The following TMEM132B variants were observed in gnomAD, a reference collection of about 807,000 sequenced individuals.
TMEM132B encodes the protein transmembrane protein 132B.
In TMEM132B, 18 loss-of-function variants were observed where a neutral mutation model predicts 90.8. That is an observed-to-expected ratio of 0.20 (90% CI 0.14 to 0.29). The LOEUF is 0.29. TMEM132B is among the 10% of genes least tolerant of loss of function. The pLI is 1.00. For missense variants in TMEM132B, 1,096 were observed against 1,326.8 expected (o/e 0.83, Z 2.70); for synonymous variants, 504 against 523.3 (o/e 0.96, Z 0.50).
chr12:125,336,016 C>T (rs1256317756), intron 1 of TMEM132B, among the ~76,000 whole-genome samples: 1 of 152,148 alleles, frequency 6.6e-6, no homozygotes, highest in Non-Finnish European at 1.5e-5. Context: ...CAGTACATTT[C>T]ACCCTTTTTG....
At chr12:125,452,668 A>G (rs1203231275) in intron 3 of TMEM132B, among the ~76,000 whole-genome samples, 1 of 152,200 alleles carries the variant, frequency 6.6e-6, no homozygotes, top group African/African-American at 2.4e-5. Flanking sequence ...AATGTAGCCA[A>G]TGTGATGAGT....
At chr12:125,628,349 G>C (rs576788320) in intron 5 of TMEM132B, among the ~76,000 whole-genome samples, 2 of 152,256 alleles carry the variant, frequency 1.3e-5, no homozygotes, top group Non-Finnish European at 2.9e-5. Context: ...TTTAACTGGG[G>C]TGAGATAATA....
At chr12:125,612,553 GTA>G (rs900666805) in intron 5 of TMEM132B, among the ~76,000 whole-genome samples, 1 of 144,878 alleles carries the variant, frequency 6.9e-6, no homozygotes, top group African/African-American at 2.5e-5. Flanking sequence ...ATGTTTTGAA[GTA>G]TATATATATA....
intron 3 of TMEM132B, among the ~76,000 whole-genome samples, chr12:125,505,662 T>G: frequency 6.6e-6 from 1 of 150,594 alleles, no homozygotes; most frequent in Non-Finnish European, 1.5e-5. Flanking sequence ...CACACCACTG[T>G]GCTCAAGCTT....
At chr12:125,565,051 G>A (rs1029169437) in intron 4 of TMEM132B, among the ~76,000 whole-genome samples, 4 of 152,312 alleles carry the variant, frequency 2.6e-5, no homozygotes, top group Middle Eastern at 3.4e-3. Context: ...TGTTCCAAGT[G>A]TTTTAAGTGC....
chr12:125,467,244 T>C (rs1881587272), intron 3 of TMEM132B, among the ~76,000 whole-genome samples: 1 of 152,110 alleles, frequency 6.6e-6, no homozygotes, highest in African/African-American at 2.4e-5. Flanking sequence ...GAGACACAGA[T>C]AGACAGATGG....
chr12:125,246,819 A>G lies in TMEM132B; in HGVS notation c.67+59953A>G, dbSNP rs945368951. Among the ~76,000 whole-genome samples, 2 of 151,916 alleles carry G rather than the reference A, an allele frequency of 1.3e-5. No homozygotes were observed. The highest frequency in any genetic ancestry group is 4.8e-5 in the African/African-American group (2 of 41,334). On this transcript the variant is annotated intron_variant, in intron 1 of 8. Coordinates refer to ENST00000682704, the MANE Select transcript of TMEM132B (RefSeq NM_001366854.1). This position sits in a 1 kb window ranked among gnomAD's most constrained non-coding sequence, Gnocchi z 4.2. Reference sequence around the variant, plus strand: ...TGGAGGCATCTGTCATTTTGAATCCATCTGCTTGTTAGGCACTTCCAGTGT... The same window carrying G: ...TGGAGGCATCTGTCATTTTGAATCCGTCTGCTTGTTAGGCACTTCCAGTGT...
chr12:125,245,851 T>C (rs1874195735), intron 1 of TMEM132B, among the ~76,000 whole-genome samples: 1 of 152,242 alleles, frequency 6.6e-6, no homozygotes, highest in Non-Finnish European at 1.5e-5. Flanking sequence ...CCCAGGCTTG[T>C]CCCACTACCC....
chr12:125,494,411 C>G (rs1882461818), intron 3 of TMEM132B, among the ~76,000 whole-genome samples: 1 of 138,632 alleles, frequency 7.2e-6, no homozygotes, highest in Non-Finnish European at 1.5e-5. Flanking sequence ...ATGCATGCCT[C>G]CTCCCCCTCC....
intron 3 of TMEM132B, among the ~76,000 whole-genome samples, chr12:125,418,641 C>G (rs1000940212): frequency 1.3e-5 from 2 of 152,112 alleles, no homozygotes; most frequent in Non-Finnish European, 2.9e-5. Context: ...ATGCTGTAAT[C>G]TCTGAATTGT....
rs965831842 is a variant in TMEM132B, at chr12:125,415,344, A to G, written c.960-187A>G. On this transcript the variant is annotated intron_variant, in intron 2 of 8. Transcript: ENST00000682704. The surrounding 1 kb of genome is among the most constrained non-coding windows in gnomAD (Gnocchi z 5.3). Reference sequence around the variant, plus strand: ...GGGGCTCCTACTTCCAGGCACTTGTAAAAATTACAAGACACTTAGTTTTTA... The same window carrying G: ...GGGGCTCCTACTTCCAGGCACTTGTGAAAATTACAAGACACTTAGTTTTTA... Among the ~76,000 whole-genome samples the G allele has an allele frequency of 6.6e-6, 1 of 152,182 alleles. No homozygotes were observed.
At chr12:125,574,768 T>A (rs1318843096) in intron 4 of TMEM132B, among the ~76,000 whole-genome samples, 1 of 151,882 alleles carries the variant, frequency 6.6e-6, no homozygotes, top group Non-Finnish European at 1.5e-5. Flanking sequence ...TTCTGCCAAA[T>A]TTTTTCTCAT....
In TMEM132B at chr12:125,407,626, C is replaced by T. The variant is rs1248596213; in HGVS notation, c.960-7905C>T. Among the ~76,000 whole-genome samples, 1 of 152,170 alleles carries T rather than the reference C, an allele frequency of 6.6e-6. No individual in the cohort carries two copies. The highest frequency in any genetic ancestry group is 1.5e-5 in the Non-Finnish European group (1 of 68,026). On this transcript the variant is annotated intron_variant, in intron 2 of 8. Coordinates refer to ENST00000682704, the MANE Select transcript of TMEM132B (RefSeq NM_001366854.1). This position sits in a 1 kb window ranked among gnomAD's most constrained non-coding sequence, Gnocchi z 6.7. ...CTCCCTGGTCCAACCAGGAGGGATG[C>T]TCATCTGGACTCAGACTCTTTCCAG...
At chr12:125,403,814 A>G (rs1409189320) in intron 2 of TMEM132B, among the ~76,000 whole-genome samples, 1 of 152,186 alleles carries the variant, frequency 6.6e-6, no homozygotes, top group East Asian at 1.9e-4. Context: ...GAGGGGGTTA[A>G]CTTCACCCTT....
intron 4 of TMEM132B, among the ~76,000 whole-genome samples, chr12:125,543,493 A>G (rs577292543): frequency 2.0e-5 from 3 of 152,346 alleles, no homozygotes; most frequent in Non-Finnish European, 2.9e-5. Flanking sequence ...ATCATTTTAT[A>G]TAAGAGATTT....
chr12:125,447,608 T>C (rs1253026595), intron 3 of TMEM132B, among the ~76,000 whole-genome samples: 1 of 152,206 alleles, frequency 6.6e-6, no homozygotes, highest in Non-Finnish European at 1.5e-5. Context: ...TTTTTGCCTC[T>C]TTCTTTCTTC....
At chr12:125,394,677 A>G (rs993483645) in intron 2 of TMEM132B, among the ~76,000 whole-genome samples, 1 of 152,242 alleles carries the variant, frequency 6.6e-6, no homozygotes, top group Non-Finnish European at 1.5e-5. Context: ...GATGATTTCA[A>G]GTATTCATTT....
At chr12:125,598,294 CT>C (rs1885491119) in intron 5 of TMEM132B, among the ~76,000 whole-genome samples, 1 of 152,156 alleles carries the variant, frequency 6.6e-6, no homozygotes, top group East Asian at 1.9e-4. Flanking sequence ...AAAGATTTCC[CT>C]TCAGACTGAT....
In TMEM132B at chr12:125,277,018, G is replaced by A. The variant is rs1397344168; in HGVS notation, c.68-72434G>A. Reference sequence around the variant, plus strand: ...AGTCAGAAGGCTATGAGCTGGATTTGTGGGTACCGTGGGTTGAATTATGTC... The same window carrying A: ...AGTCAGAAGGCTATGAGCTGGATTTATGGGTACCGTGGGTTGAATTATGTC... On this transcript the variant is annotated intron_variant, in intron 1 of 8. Transcript: ENST00000682704. The surrounding 1 kb of genome is among the most constrained non-coding windows in gnomAD (Gnocchi z 4.3). 6.6e-6 allele frequency among the ~76,000 whole-genome samples: 1 copy of A among 152,222 alleles called. No individual in the cohort carries two copies. The highest frequency in any genetic ancestry group is 2.4e-5 in the African/African-American group (1 of 41,466).
Sources: allele counts gnomAD v4.1 joint callset (sites outside exome capture counted in the v4.1 genomes callset), GRCh38; gene constraint gnomAD v4.1.1; non-coding constraint Gnocchi (gnomAD v3.1); transcripts MANE v1.5; gene names NCBI Gene and HGNC (gene_info 2026-07-23, HGNC 2026-07-21).